Variants in CCSER2 observed in about 807,000 individuals in gnomAD.
The protein encoded by CCSER2 is coiled-coil serine rich protein 2, also known as serine-rich coiled-coil domain-containing protein 2.
Under a neutral mutation model 92.3 loss-of-function variants are expected in CCSER2, and 46 were observed. That is an observed-to-expected ratio of 0.50 (90% CI 0.39 to 0.64). The LOEUF (loss-of-function observed/expected upper bound fraction) is 0.64. Among genes scored for constraint, CCSER2 ranks in the 30% least tolerant of loss-of-function variants. The pLI, the probability that CCSER2 is intolerant of heterozygous loss-of-function variation, is 0.00. For missense variants in CCSER2, 1,244 were observed against 1,238.9 expected (o/e 1.00, Z -0.06); for synonymous variants, 433 against 431.4 (o/e 1.00, Z -0.04).
chr10:84,451,285 T>A (rs79316405), intron 6 of CCSER2, among the ~76,000 whole-genome samples: 7 of 151,288 alleles, frequency 4.6e-5, no homozygotes, highest in African/African-American at 1.7e-4. Context: ...TTTTTTTTTT[T>A]AAAGAACAGG....
chr10:84,362,842 T>C (rs146239127), intron 1 of CCSER2, among the ~76,000 whole-genome samples: 11,671 of 151,892 alleles, frequency 0.077, 508 homozygotes, highest in Middle Eastern at 0.12. Context: ...TAATTTATTT[T>C]ATTTTATTTT....
intron 3 of CCSER2, among the ~76,000 whole-genome samples, chr10:84,414,957 T>C (rs917282015): frequency 5.5e-4 from 84 of 152,342 alleles, no homozygotes; most frequent in Non-Finnish European, 7.2e-4. Flanking sequence ...TACTGGTGAT[T>C]ACATTGGGAA....
chr10:84,419,055 G>A (rs888630328), intron 4 of CCSER2, among the ~76,000 whole-genome samples: 8 of 152,002 alleles, frequency 5.3e-5, no homozygotes, highest in African/African-American at 1.5e-4. Context: ...TTACTAAAAC[G>A]TAAGATTTAC....
At chr10:84,402,068 C>T (rs1357486903) in intron 3 of CCSER2, among the ~76,000 whole-genome samples, 1 of 152,170 alleles carries the variant, frequency 6.6e-6, no homozygotes, top group South Asian at 2.1e-4. Flanking sequence ...CTCTTTTTCT[C>T]TCTACCTGCT....
intron 3 of CCSER2, among the ~76,000 whole-genome samples, chr10:84,392,444 A>G (rs1477965959): frequency 1.3e-5 from 2 of 152,120 alleles, no homozygotes; most frequent in Non-Finnish European, 2.9e-5. Context: ...AAAGAGGAAC[A>G]ATTCTATAGC....
intron 1 of CCSER2, among the ~76,000 whole-genome samples, chr10:84,342,584 C>A (rs1241274538): frequency 1.3e-5 from 2 of 152,284 alleles, no homozygotes; most frequent in South Asian, 2.1e-4. Context: ...AAAATAAAAT[C>A]TAGAATTCAA....
At position 84,477,642 on chromosome 10, in the gene CCSER2, A is replaced by G; in HGVS notation, c.2303A>G (p.Gln768Arg). The change falls in exon 9 of 10, where the codon CAA (glutamine) becomes CGA (arginine). Residue 768 changes from glutamine (Q) to arginine (R), a missense_variant. Coordinates refer to ENST00000372088, the MANE Select transcript of CCSER2 (RefSeq NM_001284240.2). ...TGCACTTATGCTGATAAATATACCCAAACACCCTGGAGACGAATTCCTGTA... is the reference window on the plus strand; with the variant it reads ...TGCACTTATGCTGATAAATATACCCGAACACCCTGGAGACGAATTCCTGTA... ...EKCTYADKYT[Q>R]TPWRRIPPQV... 1.2e-6 allele frequency: 2 copies of G among 1,607,666 alleles called. No homozygotes were observed. The highest frequency in any genetic ancestry group is 1.7e-6 in the Non-Finnish European group (2 of 1,174,560).
chr10:84,443,576 C>T (rs1488819972), intron 6 of CCSER2, among the ~76,000 whole-genome samples: 1 of 152,048 alleles, frequency 6.6e-6, no homozygotes, highest in African/African-American at 2.4e-5. Flanking sequence ...TTGTGGAAGA[C>T]AGTGTAGCGA....
chr10:84,484,026 C>A (rs1314476250), intron 9 of CCSER2, among the ~76,000 whole-genome samples: 6 of 137,444 alleles, frequency 4.4e-5, no homozygotes, highest in Non-Finnish European at 9.3e-5. Context: ...GACGGAGTCT[C>A]GCTCTGTCGT....
At chr10:84,462,716 C>T (rs1564691118) in intron 6 of CCSER2, among the ~76,000 whole-genome samples, 1 of 152,182 alleles carries the variant, frequency 6.6e-6, no homozygotes, top group Non-Finnish European at 1.5e-5. Flanking sequence ...TCTTGACTGT[C>T]AATCAGCATT....
In CCSER2 at chr10:84,475,331, T is replaced by A. The variant is rs552995281; in HGVS notation, c.2236-2244T>A. On this transcript the variant is annotated intron_variant, in intron 8 of 9. Transcript: ENST00000372088. ...GTCTGTCAGCAATAAAGAAGGCAGA[T>A]GGTGAGAAAATGATTTGGTTAGTCA... Among the ~76,000 whole-genome samples, 6 of 152,266 alleles carry A rather than the reference T, an allele frequency of 3.9e-5. No individual in the cohort carries two copies. The South Asian group carries it at 1.2e-3, about 32-fold the overall frequency.
chr10:84,511,989 A>C (rs1849371265), intron 9 of CCSER2, among the ~76,000 whole-genome samples: 1 of 152,116 alleles, frequency 6.6e-6, no homozygotes, highest in Non-Finnish European at 1.5e-5. Context: ...ATTTCTGTAC[A>C]GATTAATTTT....
At chr10:84,409,800 AG>A (rs1458491200) in intron 3 of CCSER2, among the ~76,000 whole-genome samples, 1 of 152,154 alleles carries the variant, frequency 6.6e-6, no homozygotes, top group Non-Finnish European at 1.5e-5. Flanking sequence ...CAGGACATGC[AG>A]GTTTCTTACA....
intron 1 of CCSER2, among the ~76,000 whole-genome samples, chr10:84,364,514 C>T (rs1845676154): frequency 6.6e-6 from 1 of 152,144 alleles, no homozygotes; most frequent in Non-Finnish European, 1.5e-5. Context: ...GTATATTAGC[C>T]TCTCTGAATC....
chr10:84,390,866 A>G, intron 3 of CCSER2: 1 of 623,490 alleles, frequency 1.6e-6, no homozygotes, highest in South Asian at 1.7e-5. Flanking sequence ...CAGACACAGT[A>G]TAAATATTCT....
chr10:84,490,727 T>C (rs1267938235), intron 9 of CCSER2, among the ~76,000 whole-genome samples: 17 of 152,224 alleles, frequency 1.1e-4, no homozygotes, highest in Non-Finnish European at 2.5e-4. Flanking sequence ...TCTGAAGCCT[T>C]CTTCTCTCAA....
At position 84,363,458 on chromosome 10, in the gene CCSER2, C is replaced by T. The variant is rs7084964; in HGVS notation, c.-39-7556C>T. 7.9e-3 allele frequency among the ~76,000 whole-genome samples: 1,196 copies of T among 152,072 alleles called. 5 individuals carry two copies. Among genetic ancestry groups the T allele is most frequent in the African/African-American group, 0.027 (1,139 of 41,464 alleles). ...TTGTCTGAACTTGAAAGCAGATTTC[C>T]GAAGTAACTGCTTATACGTGTGTAG... On this transcript the variant is annotated intron_variant, in intron 1 of 9. Transcript: ENST00000372088.
At chr10:84,441,342 G>A (rs1216268459) in intron 6 of CCSER2, among the ~76,000 whole-genome samples, 1 of 151,862 alleles carries the variant, frequency 6.6e-6, no homozygotes, top group Non-Finnish European at 1.5e-5. Flanking sequence ...AAGAACTTTT[G>A]TGTGTACTAT....
intron 9 of CCSER2, among the ~76,000 whole-genome samples, chr10:84,487,225 G>A (rs983298274): frequency 2.6e-5 from 4 of 152,150 alleles, no homozygotes; most frequent in African/African-American, 4.8e-5. Flanking sequence ...TTGAAAATGC[G>A]GGCTCTTTTT....
Sources: gnomAD v4.1 joint callset for allele counts (sites outside exome capture counted in the v4.1 genomes callset) on GRCh38, gnomAD v4.1.1 for gene constraint, MANE v1.5 for transcripts, NCBI Gene and HGNC (gene_info 2026-07-23, HGNC 2026-07-21) for gene names.